Variants in ARHGAP1 observed in about 807,000 individuals in gnomAD.
The protein encoded by ARHGAP1 is rho GTPase-activating protein 1.
In ARHGAP1, 23 loss-of-function variants were observed where a neutral mutation model predicts 52.2. That is an observed-to-expected ratio of 0.44 (90% CI 0.32 to 0.62). The LOEUF (loss-of-function observed/expected upper bound fraction) is 0.62, where lower values mean the gene tolerates loss of function less well. ARHGAP1 is among the 20% of genes least tolerant of loss of function. ARHGAP1 has a pLI of 0.05. For missense variants in ARHGAP1, 480 were observed against 560.9 expected, an observed-to-expected ratio of 0.86 and a Z score of 1.46; for synonymous variants, 210 against 228.4, an observed-to-expected ratio of 0.92 and a Z score of 0.73.
Position 46,685,650 on chromosome 11 carries a change from C to G in ARHGAP1, c.317+2523G>C, listed in dbSNP as rs1356212919. Among the ~76,000 whole-genome samples, 3 of 147,434 alleles carry G rather than the reference C, an allele frequency of 2.0e-5. No homozygotes were observed. In the East Asian group the frequency reaches 6.2e-4, roughly 31 times the overall value. On this transcript the variant is annotated intron_variant, in intron 4 of 12. Transcript: ENST00000311956. ...ATATGTTCTTACCTAATGCCCACAA[C>G]AGCCCTGGGAGGTGGGCACAAGTCT...
chr11:46,683,882 C>G, intron 4 of ARHGAP1, among the ~76,000 whole-genome samples: 1 of 152,178 alleles, frequency 6.6e-6, no homozygotes, highest in South Asian at 2.1e-4. Flanking sequence ...TCAGGTGATC[C>G]GCCTGCCTCG....
chr11:46,700,426 C>T (rs1339658218), intron 1 of ARHGAP1, 125 bp downstream of exon 1: 1 of 155,374 alleles, frequency 6.4e-6, no homozygotes, highest in Non-Finnish European at 1.4e-5. Flanking sequence ...CCCAGTTCCA[C>T]CCCCGTTCCC....
intron 3 of ARHGAP1, 130 bp from the exon 4 acceptor site, chr11:46,688,390 G>A: frequency 1.1e-6 from 1 of 894,870 alleles, no homozygotes; most frequent in Non-Finnish European, 1.7e-6. Context: ...CATGCAGACA[G>A]ACCTCCGGGC....
rs970350540 is a variant in ARHGAP1 at position 46,679,373 on chromosome 11, G to C, written c.1123C>G (p.Leu375Val). ...CAAGTCCAAGGTCTCACCTGCACCA[G>C]GAAAGCAGTCAGGAAACGAAGCACC... ...YQVLRFLTAF[L>V]VQISAHSDQN... is the part of the protein sequence containing the mutation. The change falls in exon 12 of 13, where the codon CTG becomes GTG. Residue 375 changes from leucine to valine, a missense_variant. By Grantham distance (32) the Leu-to-Val change is conservative. Coordinates refer to ENST00000311956, the MANE Select transcript of ARHGAP1 (RefSeq NM_004308.5). The surrounding 1 kb of genome is among the most constrained non-coding windows in gnomAD (Gnocchi z 4.4). The C allele has an allele frequency of 6.2e-7, 1 of 1,613,994 alleles. No homozygotes were observed. The highest frequency in any genetic ancestry group is 1.1e-5 in the South Asian group (1 of 91,072).
chr11:46,682,556 G>T (rs9704782), intron 4 of ARHGAP1, among the ~76,000 whole-genome samples: 48,084 of 152,000 alleles, frequency 0.32, 8,017 homozygotes, highest in East Asian at 0.62. Context: ...TGGTGGTGCA[G>T]GCCTGTAATC....
intron 3 of ARHGAP1, among the ~76,000 whole-genome samples, chr11:46,692,432 G>A (rs1288053721): frequency 6.6e-6 from 1 of 152,232 alleles, no homozygotes; most frequent in African/African-American, 2.4e-5. Context: ...TGCACCAGCA[G>A]CAAGGCAGGC....
In ARHGAP1 at chr11:46,696,158, T is replaced by C. The variant is rs2064652938; in HGVS notation, c.-49-2A>G. The C allele has an allele frequency of 2.6e-6, 4 of 1,540,980 alleles. No individual in the cohort carries two copies. Among genetic ancestry groups the C allele is most frequent in the Non-Finnish European group, 3.5e-6 (4 of 1,143,110 alleles). ...GCCCTGCAGAACCTTAAGAGAAACC[T>C]GGGAGAGAGGAAGACAGGTGGCAGG... On this transcript the variant is annotated splice_acceptor_variant, in intron 1 of 12. Transcript: ENST00000311956. LOFTEE classifies it low-confidence loss of function (5UTR_SPLICE). This position sits in a 1 kb window ranked among gnomAD's most constrained non-coding sequence, Gnocchi z 4.8.
Position 46,679,852 on chromosome 11 carries a change from A to C in ARHGAP1, c.899-76T>G, listed in dbSNP as rs2064510371. 32 of 1,590,514 alleles carry C rather than the reference A, an allele frequency of 2.0e-5. No individual in the cohort carries two copies. Among genetic ancestry groups the C allele is most frequent in the Non-Finnish European group, 2.6e-5 (31 of 1,171,748 alleles). On this transcript the variant is annotated intron_variant, in intron 10 of 12. Transcript: ENST00000311956. The surrounding 1 kb of genome is among the most constrained non-coding windows in gnomAD (Gnocchi z 4.4). ...CCCATCTGCAGACAACGCGGGCCGC[A>C]CTGCCTGACTGCCCCTGGACACTGC...
intron 3 of ARHGAP1, 200 bp downstream of exon 3, chr11:46,695,460 T>C (rs1555153461): frequency 1.5e-6 from 1 of 677,878 alleles, no homozygotes; most frequent in Non-Finnish European, 2.7e-6. Flanking sequence ...AGGAAGAAAT[T>C]AGAGTTCAAA....
intron 4 of ARHGAP1, among the ~76,000 whole-genome samples, chr11:46,682,426 G>A (rs1349922169): frequency 1.3e-5 from 2 of 152,248 alleles, no homozygotes; most frequent in African/African-American, 2.4e-5. Context: ...GCTCATGCCT[G>A]TAATCCCAAC....
chr11:46,680,741 G>A lies in ARHGAP1; in HGVS notation c.642C>T (p.Asp214=), dbSNP rs751031172. 91 of 1,548,690 alleles carry A rather than the reference G, an allele frequency of 5.9e-5. No homozygotes were observed. In the South Asian group the frequency reaches 6.3e-4, roughly 11 times the overall value. The change falls in exon 8 of 13, where the codon GAC becomes GAT. Residue 214 remains aspartate (D), a synonymous_variant. Transcript: ENST00000311956. This position sits in a 1 kb window ranked among gnomAD's most constrained non-coding sequence, Gnocchi z 5.9. ...LGIPRQVLKY[D]DFLKSTQKSP... is the part of the protein sequence containing the mutation. The stretch of plus-strand genomic sequence containing the variant: ...TCTTCTGTGTGGATTTCAGGAAGTC[G>A]TCATATCTGTAGGAGTAGAGGGAGG...
intron 3 of ARHGAP1, among the ~76,000 whole-genome samples, chr11:46,690,498 C>T (rs983114251): frequency 1.3e-5 from 2 of 152,142 alleles, no homozygotes; most frequent in African/African-American, 4.8e-5. Context: ...TCCCAAGCAG[C>T]TGAGACTACA....
At chr11:46,691,293 C>G (rs2064613518) in intron 3 of ARHGAP1, among the ~76,000 whole-genome samples, 1 of 151,862 alleles carries the variant, frequency 6.6e-6, no homozygotes, top group African/African-American at 2.4e-5. Context: ...TGTGTTTGTT[C>G]TTCTTTTTTT....
chr11:46,678,847 C>G lies in ARHGAP1; in HGVS notation c.*190G>C. On this transcript the variant is annotated 3_prime_UTR_variant, in exon 13 of 13. Coordinates refer to ENST00000311956, the MANE Select transcript of ARHGAP1 (RefSeq NM_004308.5). ...CAGAGAGGCAGTGAGAAGTGTAAGGCAGAGAAAAACGTCTTCTGGTAACAG... is the reference window on the plus strand; with the variant it reads ...CAGAGAGGCAGTGAGAAGTGTAAGGGAGAGAAAAACGTCTTCTGGTAACAG... The G allele has an allele frequency of 1.6e-6, 1 of 643,228 alleles. No individual in the cohort carries two copies. The highest frequency in any genetic ancestry group is 1.9e-5 in the South Asian group (1 of 51,340). The allele number at this position is 643,228 out of a possible 1,614,324, so 39.8% of individuals were successfully genotyped here. A position where few individuals can be genotyped will look rare whatever the true frequency, so the allele number is the denominator to read the frequency against.
At chr11:46,684,874 G>A (rs1041575011) in intron 4 of ARHGAP1, among the ~76,000 whole-genome samples, 2 of 151,896 alleles carry the variant, frequency 1.3e-5, no homozygotes, top group East Asian at 1.9e-4. Context: ...GATCACCAGA[G>A]GTCAGGAGTT....
chr11:46,681,405 G>A lies in ARHGAP1; in HGVS notation c.450-26C>T, dbSNP rs922258235. On this transcript the variant is annotated intron_variant, in intron 5 of 12. Coordinates refer to ENST00000311956, the MANE Select transcript of ARHGAP1 (RefSeq NM_004308.5). This position sits in a 1 kb window ranked among gnomAD's most constrained non-coding sequence, Gnocchi z 5.7. ...CTGCAGAGACAGAATGGACAACTCA[G>A]GAGCAGGCGTGGTGGGACAGGTGCC... 6.4e-7 allele frequency: 1 copy of A among 1,563,032 alleles called. No homozygotes were observed. Among genetic ancestry groups the A allele is most frequent in the Non-Finnish European group, 8.8e-7 (1 of 1,133,574 alleles).
chr11:46,687,900 A>C, intron 4 of ARHGAP1: 3 of 404,348 alleles, frequency 7.4e-6, no homozygotes, highest in Non-Finnish European at 1.3e-5. Flanking sequence ...CCTACAAGGA[A>C]AGAGGCCTAT....
At position 46,695,460 on chromosome 11, in the gene ARHGAP1, T is replaced by G. The variant is rs1555153461; in HGVS notation, c.229+200A>C. 4 of 677,878 alleles carry G rather than the reference T, an allele frequency of 5.9e-6. No individual in the cohort carries two copies. In the South Asian group the frequency reaches 6.0e-5, roughly 10 times the overall value. The allele number at this position is 677,878 out of a possible 1,614,324, so 42.0% of individuals were successfully genotyped here. On this transcript the variant is annotated intron_variant, in intron 3 of 12. Transcript: ENST00000311956. ...TTATTGTAACCCACAAGGAAGAAAT[T>G]AGAGTTCAAAGAGCAGAGCTGGAGA... is the stretch of plus-strand genomic sequence containing the variant.
chr11:46,695,612 G>A lies in ARHGAP1; in HGVS notation c.229+48C>T, dbSNP rs1168138892. 5.9e-6 allele frequency: 9 copies of A among 1,531,336 alleles called. No homozygotes were observed. The South Asian group carries it at 9.6e-5, about 16-fold the overall frequency. The allele number at this position is 1,531,336 out of a possible 1,614,324, so 94.9% of individuals were successfully genotyped here. ...CTGTGGTGTGAAGGGCTGACTTCCT[G>A]AGGCCAGGAGCTCTGAGGGTTAGGA... On this transcript the variant is annotated intron_variant, in intron 3 of 12. Transcript: ENST00000311956.
Sources: allele counts gnomAD v4.1 joint callset (sites outside exome capture counted in the v4.1 genomes callset), GRCh38; gene constraint gnomAD v4.1.1; non-coding constraint Gnocchi (gnomAD v3.1); transcripts MANE v1.5; gene names NCBI Gene and HGNC (gene_info 2026-07-23, HGNC 2026-07-21).